The following DAB1 variants were observed in gnomAD, a reference collection of about 807,000 sequenced individuals.
DAB1 encodes disabled homolog 1.
DAB1 carries 15 observed loss-of-function variants against 64.6 expected under a neutral mutation model. The ratio of observed to expected loss-of-function variants is 0.23; its 90% CI spans 0.16 to 0.36. DAB1 has a LOEUF of 0.36. Ranked by LOEUF, DAB1 falls within the 10% of genes least tolerant of loss-of-function variation. The probability of loss-of-function intolerance (pLI) is 1.00; values close to 1 mark genes in which losing one functional copy is unlikely to be tolerated. For missense variants in DAB1, 596 were observed against 706.7 expected, an observed-to-expected ratio of 0.84 and a Z score of 1.78; for synonymous variants, 235 against 251.9, an observed-to-expected ratio of 0.93 and a Z score of 0.64.
chr1:57,106,785 G>T (rs1224449762), intron 4 of DAB1, among the ~76,000 whole-genome samples: 1 of 152,078 alleles, frequency 6.6e-6, no homozygotes, highest in East Asian at 1.9e-4. Context: ...AAACTTGATG[G>T]AAAGTAAGAT....
chr1:57,608,182 A>G (rs867965887), intron 7 of DAB1, among the ~76,000 whole-genome samples: 1 of 152,176 alleles, frequency 6.6e-6, no homozygotes, highest in South Asian at 2.1e-4. Context: ...TATGACATGT[A>G]ATATAAAATA....
intron 3 of DAB1, chr1:58,505,947 A>C: frequency 1.7e-6 from 1 of 603,902 alleles, no homozygotes; most frequent in Non-Finnish European, 2.9e-6. Flanking sequence ...TAATTATAGT[A>C]ATCAAAATAG....
intron 4 of DAB1, among the ~76,000 whole-genome samples, chr1:58,175,437 G>A (rs1163666865): frequency 6.6e-6 from 1 of 152,158 alleles, no homozygotes; most frequent in Non-Finnish European, 1.5e-5. Context: ...CTTGAAGTCG[G>A]CAAGACCAAG....
At chr1:57,574,219 T>C (rs1258588241) in intron 7 of DAB1, among the ~76,000 whole-genome samples, 1 of 152,122 alleles carries the variant, frequency 6.6e-6, no homozygotes, top group Non-Finnish European at 1.5e-5. Context: ...AGTCCTTTTG[T>C]TTCACCATGA....
chr1:57,913,476 A>G (rs1644679031), intron 5 of DAB1, among the ~76,000 whole-genome samples: 1 of 152,256 alleles, frequency 6.6e-6, no homozygotes, highest in African/African-American at 2.4e-5. Context: ...TGTTAGACCT[A>G]AAACCATAAA....
intron 2 of DAB1, among the ~76,000 whole-genome samples, chr1:57,272,457 T>C (rs1344022531): frequency 6.6e-6 from 1 of 152,208 alleles, no homozygotes; most frequent in African/African-American, 2.4e-5. Context: ...GGTTTTCTCA[T>C]AGTAACAATA....
intron 1 of DAB1, among the ~76,000 whole-genome samples, chr1:57,865,728 A>T (rs1475141977): frequency 6.6e-6 from 1 of 152,186 alleles, no homozygotes; most frequent in African/African-American, 2.4e-5. Context: ...CAGTATTTTA[A>T]AAGCACAAGC....
intron 7 of DAB1, among the ~76,000 whole-genome samples, chr1:57,439,427 T>TTTTGTTTTTTTTTGTTTTTTTTTG (rs1558381438): frequency 1.7e-5 from 2 of 114,552 alleles, no homozygotes; most frequent in Admixed American, 8.3e-5. Flanking sequence ...GGTTTTTTCT[T>TTTTGTTTTTTTTTGTTTTTTTTTG]TTTTTTTTTT....
intron 4 of DAB1, among the ~76,000 whole-genome samples, chr1:58,251,669 G>A (rs1660801289): frequency 6.6e-6 from 1 of 152,206 alleles, no homozygotes; most frequent in African/African-American, 2.4e-5. Context: ...CACGAGATGA[G>A]GTGGAGAGGT....
chr1:58,496,475 TTTTAAG>T (rs1185259373), intron 3 of DAB1, among the ~76,000 whole-genome samples: 1 of 152,154 alleles, frequency 6.6e-6, no homozygotes, highest in Non-Finnish European at 1.5e-5. Flanking sequence ...AAAGTAACAT[TTTTAAG>T]TTTGACTTGA....
chr1:58,113,854 A>C (rs1652140572), intron 5 of DAB1, among the ~76,000 whole-genome samples: 1 of 152,154 alleles, frequency 6.6e-6, no homozygotes, highest in South Asian at 2.1e-4. Context: ...TCATGATTTT[A>C]TTTAATCTCC....
At chr1:58,145,250 C>CT (rs1232875000) in intron 5 of DAB1, among the ~76,000 whole-genome samples, 1 of 152,172 alleles carries the variant, frequency 6.6e-6, no homozygotes, top group Non-Finnish European at 1.5e-5. Context: ...CCTCATGGGA[C>CT]TTTTTTGGGG....
chr1:58,258,307 C>T (rs929614430), intron 4 of DAB1, among the ~76,000 whole-genome samples: 2 of 152,214 alleles, frequency 1.3e-5, no homozygotes, highest in African/African-American at 4.8e-5. Flanking sequence ...GTTGTTCGGT[C>T]CAATCTGTTT....
chr1:57,594,805 G>A (rs1570657417), intron 7 of DAB1, among the ~76,000 whole-genome samples: 5 of 152,228 alleles, frequency 3.3e-5, no homozygotes, highest in Admixed American at 2.6e-4. Context: ...CCGCCTCCCG[G>A]GTTCACGCCA....
At chr1:57,633,684 T>C (rs1019145722) in intron 7 of DAB1, among the ~76,000 whole-genome samples, 3 of 152,158 alleles carry the variant, frequency 2.0e-5, no homozygotes, top group African/African-American at 4.8e-5. Flanking sequence ...TCTAATAATA[T>C]GTGCCCAGAA....
chr1:58,094,809 G>A (rs187392060), intron 5 of DAB1, among the ~76,000 whole-genome samples: 1 of 152,272 alleles, frequency 6.6e-6, no homozygotes, highest in Non-Finnish European at 1.5e-5. Flanking sequence ...GAACCCTATG[G>A]TGGCATTAAA....
intron 7 of DAB1, among the ~76,000 whole-genome samples, chr1:57,447,220 G>A (rs951549818): frequency 2.6e-5 from 4 of 152,178 alleles, no homozygotes; most frequent in African/African-American, 7.2e-5. Context: ...CATTTGGGAT[G>A]GGAGAGTGAT....
At chr1:57,691,532 A>T (rs1646764220) in intron 6 of DAB1, among the ~76,000 whole-genome samples, 1 of 151,980 alleles carries the variant, frequency 6.6e-6, no homozygotes, top group Non-Finnish European at 1.5e-5. Context: ...CTTGCTACTG[A>T]TCACTCTTTG....
At chr1:58,045,592 T>G (rs1647222824) in intron 5 of DAB1, among the ~76,000 whole-genome samples, 1 of 151,890 alleles carries the variant, frequency 6.6e-6, no homozygotes, top group Non-Finnish European at 1.5e-5. Flanking sequence ...CCTGCCATTT[T>G]AAAAACTGTC....
Sources: allele counts gnomAD v4.1 joint callset (sites outside exome capture counted in the v4.1 genomes callset), GRCh38; gene constraint gnomAD v4.1.1; transcripts MANE v1.5; gene names NCBI Gene and HGNC (gene_info 2026-07-23, HGNC 2026-07-21).